Variants in LPIN1 observed in about 807,000 individuals in gnomAD.
LPIN1 encodes lipin 1.
In LPIN1, 71 loss-of-function variants were observed where a neutral mutation model predicts 107.5. The ratio of observed to expected loss-of-function variants is 0.66; its 90% confidence interval spans 0.55 to 0.80. The LOEUF (loss-of-function observed/expected upper bound fraction) is 0.80, where lower values mean the gene tolerates loss of function less well. Among genes scored for constraint, LPIN1 ranks in the 30% least tolerant of loss-of-function variants. The pLI, the probability that LPIN1 is intolerant of heterozygous loss-of-function variation, is 0.00. For synonymous variants in LPIN1, 445 were observed against 452.6 expected, an observed-to-expected ratio of 0.98 and a Z score of 0.21; for missense variants, 1,043 against 1,160.6, an observed-to-expected ratio of 0.90 and a Z score of 1.47.
intron 5 of LPIN1, among the ~76,000 whole-genome samples, chr2:11,775,618 G>T (rs1672537755): frequency 6.6e-6 from 1 of 152,094 alleles, no homozygotes. Flanking sequence ...GTTTGATTAA[G>T]CACGAAAGTG....
chr2:11,704,240 C>G (rs559371073), intron 1 of LPIN1, among the ~76,000 whole-genome samples: 14 of 152,364 alleles, frequency 9.2e-5, no homozygotes, highest in African/African-American at 2.9e-4. Flanking sequence ...GAGACTTTAT[C>G]TCTCAACGGA....
At position 11,705,499 on chromosome 2, in the gene LPIN1, G is replaced by T. The variant is rs577701194; in HGVS notation, c.82-8257G>T. Among the ~76,000 whole-genome samples the T allele has an allele frequency of 1.1e-3, 166 of 152,318 alleles. 2 individuals carry two copies. The highest frequency in any genetic ancestry group is 3.7e-3 in the African/African-American group (155 of 41,576). ...GTGCCCTGTGAGAAGGTGCAGTCAG[G>T]ATGTGAGCAGGTTGAGGAGGCCAGG... On this transcript the variant is annotated intron_variant, in intron 1 of 21. Transcript: ENST00000449576.
chr2:11,713,898 C>T (rs1196160782), intron 2 of LPIN1: 35 of 958,692 alleles, frequency 3.7e-5, no homozygotes, highest in South Asian at 2.8e-4. Flanking sequence ...TGTGGTTTGT[C>T]GCCATGGCTA....
rs560993555 is a variant in LPIN1 at position 11,779,066 on chromosome 2, T to A, written c.831-453T>A. ...CCCAGGCCAGTGCAGATGATAAATA[T>A]TTAAAATATGGACTCTAATGAGTGC... On this transcript the variant is annotated intron_variant, in intron 6 of 20. Coordinates refer to ENST00000674199, the MANE Select transcript of LPIN1 (RefSeq NM_001349206.2). Among the ~76,000 whole-genome samples, 42 of 152,308 alleles carry A rather than the reference T, an allele frequency of 2.8e-4. No individual in the cohort carries two copies. In the South Asian group the frequency reaches 8.5e-3, roughly 31 times the overall value.
At chr2:11,788,287 G>C (rs574447385) in intron 11 of LPIN1, 100 bp from the exon 12 acceptor site, 2 of 868,414 alleles carry the variant, frequency 2.3e-6, no homozygotes, top group Non-Finnish European at 3.9e-6. Flanking sequence ...TAAGGGCCTC[G>C]CTGGAGTCCC....
At chr2:11,776,060 A>T in intron 5 of LPIN1, 26 bp from the exon 6 acceptor site, 1 of 1,370,092 alleles carries the variant, frequency 7.3e-7, no homozygotes, top group South Asian at 1.3e-5. Flanking sequence ...TCTTTCTTTT[A>T]ATGTGTATCA....
intron 1 of LPIN1, among the ~76,000 whole-genome samples, chr2:11,759,564 T>C (rs897264050): frequency 1.3e-5 from 2 of 151,724 alleles, no homozygotes; most frequent in Non-Finnish European, 2.9e-5. Context: ...CAAAATGGAG[T>C]CTCCTATGTC....
intron 12 of LPIN1, among the ~76,000 whole-genome samples, chr2:11,789,486 A>G (rs116077919): frequency 0.017 from 2,544 of 146,774 alleles, 69 homozygotes; most frequent in African/African-American, 0.061. Context: ...GCATGTGTGG[A>G]TGTGCACGTG....
chr2:11,757,532 G>C (rs1472660215), intron 1 of LPIN1, among the ~76,000 whole-genome samples: 1 of 152,168 alleles, frequency 6.6e-6, no homozygotes, highest in African/African-American at 2.4e-5. Context: ...AAACATATGT[G>C]CTAGATTTAT....
At chr2:11,733,336 C>G (rs1330322182) in intron 1 of LPIN1, among the ~76,000 whole-genome samples, 2 of 152,262 alleles carry the variant, frequency 1.3e-5, no homozygotes, top group East Asian at 3.9e-4. Context: ...GCAGATGAAT[C>G]TGGTTTTAGT....
chr2:11,699,490 A>G (rs1662756959), intron 1 of LPIN1, among the ~76,000 whole-genome samples: 1 of 151,886 alleles, frequency 6.6e-6, no homozygotes, highest in Non-Finnish European at 1.5e-5. Flanking sequence ...AGACACCAGA[A>G]CGCTCACCTT....
intron 7 of LPIN1, 130 bp from the exon 8 acceptor site, chr2:11,782,071 A>G: frequency 1.4e-6 from 1 of 734,564 alleles, no homozygotes; most frequent in Non-Finnish European, 2.4e-6. Flanking sequence ...AGAAATCACC[A>G]GGTGATTGTT....
Position 11,825,097 on chromosome 2 carries a change from G to T in LPIN1, c.*306G>T, listed in dbSNP as rs1427350597. On this transcript the variant is annotated 3_prime_UTR_variant, in exon 21 of 21. Coordinates refer to ENST00000674199, the MANE Select transcript of LPIN1 (RefSeq NM_001349206.2). The surrounding 1 kb of genome is among the most constrained non-coding windows in gnomAD (Gnocchi z 4.1). ...CGGCCTGCTCCAGCAAGTAGCTACT[G>T]GTTCACGTGCAGTTTGGGGCTGTGA... 4 of 424,004 alleles carry T rather than the reference G, an allele frequency of 9.4e-6. No homozygotes were observed. The highest frequency in any genetic ancestry group is 1.8e-5 in the Non-Finnish European group (4 of 226,574). The allele number at this position is 424,004 out of a possible 1,614,324, so 26.3% of individuals were successfully genotyped here.
At chr2:11,773,566 T>C in intron 4 of LPIN1, 54 bp from the exon 5 acceptor site, 9 of 1,536,680 alleles carry the variant, frequency 5.9e-6, no homozygotes, top group Non-Finnish European at 8.1e-6. Context: ...GGAACTTGAT[T>C]ATGAATCTAT....
At chr2:11,772,806 C>T (rs1290835856) in intron 4 of LPIN1, among the ~76,000 whole-genome samples, 2 of 152,152 alleles carry the variant, frequency 1.3e-5, no homozygotes, top group Non-Finnish European at 2.9e-5. Flanking sequence ...ATTTTGTTAA[C>T]ATAAAGAAGG....
intron 1 of LPIN1, among the ~76,000 whole-genome samples, chr2:11,681,216 G>A (rs181822854): frequency 2.6e-4 from 40 of 152,232 alleles, no homozygotes; most frequent in African/African-American, 8.9e-4. Flanking sequence ...ACTTAGCTTG[G>A]CATTCAAGGC....
intron 17 of LPIN1, among the ~76,000 whole-genome samples, chr2:11,811,288 C>T (rs1175413699): frequency 3.9e-5 from 6 of 152,192 alleles, no homozygotes; most frequent in South Asian, 2.1e-4. Context: ...GTCCTGCCAC[C>T]GGTTGTCCTT....
intron 2 of LPIN1, among the ~76,000 whole-genome samples, chr2:11,718,876 G>A (rs1254562641): frequency 3.3e-5 from 5 of 152,148 alleles, no homozygotes; most frequent in African/African-American, 9.7e-5. Flanking sequence ...GAGATATTCC[G>A]AGAGATGAAA....
In LPIN1 at chr2:11,693,822, ATTT is replaced by A. The variant is rs34409476; in HGVS notation, c.81+16122_81+16124del. Among the ~76,000 whole-genome samples, 92 of 18,792 alleles carry A rather than the reference ATTT, an allele frequency of 4.9e-3. 1 individual carries two copies. The highest frequency in any genetic ancestry group is 0.013 in the African/African-American group (80 of 6,116). The allele number at this position is 18,792 out of a possible 152,430, so 12.3% of individuals were successfully genotyped here. ...TATATATATATATATATATATATAT[ATTT>A]TTTTTTTTTTTTTTTTTTTTTTTTT... On this transcript the variant is annotated intron_variant, in intron 1 of 21. Coordinates refer to the LPIN1 transcript ENST00000449576.
Sources: allele counts gnomAD v4.1 joint callset (sites outside exome capture counted in the v4.1 genomes callset), GRCh38; gene constraint gnomAD v4.1.1; non-coding constraint Gnocchi (gnomAD v3.1); transcripts MANE v1.5; gene names NCBI Gene and HGNC (gene_info 2026-07-23, HGNC 2026-07-21).